GJC1: variants seen among roughly 807,000 people sequenced by gnomAD.
GJC1 encodes gap junction gamma-1 protein.
A neutral mutation model predicts 29.3 loss-of-function variants in GJC1; 5 were observed. That is an observed-to-expected ratio of 0.17 (90% CI 0.09 to 0.36). The LOEUF (loss-of-function observed/expected upper bound fraction) is 0.36. Among genes scored for constraint, GJC1 ranks in the 10% least tolerant of loss-of-function variants. GJC1 has a pLI of 1.00. For missense variants in GJC1, 310 were observed against 496.2 expected (o/e 0.62, Z 3.56); for synonymous variants, 177 against 183.3 (o/e 0.97, Z 0.28).
At chr17:44,807,333 A>G (rs754779009) in intron 2 of GJC1, 61 bp downstream of exon 2, 8 of 152,208 alleles carry the variant, frequency 5.3e-5, no homozygotes, top group Non-Finnish European at 1.2e-4. Context: ...TCCCTCTCCC[A>G]GTTTACTTCT....
At chr17:44,797,637 T>C (rs1481844086), downstream of GJC1, 1 of 152,192 alleles carries the variant, frequency 6.6e-6, no homozygotes, top group Non-Finnish European at 1.5e-5. Context: ...CAATGGGAGA[T>C]ATCTAAAGGA....
At chr17:44,816,607 T>C (rs1031401179) in intron 1 of GJC1, among the ~76,000 whole-genome samples, 1 of 152,110 alleles carries the variant, frequency 6.6e-6, no homozygotes, top group Admixed American at 6.5e-5. Context: ...GTTCAAGCAA[T>C]TCTCCTGCCT....
rs2049854605 is a variant in GJC1 at position 44,802,067 on chromosome 17, G to C, written c.*2560C>G. The C allele has an allele frequency of 6.6e-6, 1 of 152,212 alleles. No homozygotes were observed. The highest frequency in any genetic ancestry group is 2.1e-4 in the South Asian group (1 of 4,830). 9.4% of individuals were successfully genotyped at this position (152,212 alleles called of 1,614,324 possible). ...AAGAGAATAAAAATAGATTTTAAAAGTGTGTGCATGTGGGGAGGTGACAGA... is the reference window on the plus strand; with the variant it reads ...AAGAGAATAAAAATAGATTTTAAAACTGTGTGCATGTGGGGAGGTGACAGA... On this transcript the variant is annotated 3_prime_UTR_variant, in exon 3 of 3. Coordinates refer to ENST00000592524, the MANE Select transcript of GJC1 (RefSeq NM_005497.4).
At position 44,802,342 on chromosome 17, in the gene GJC1, A is replaced by G. The variant is rs146779768; in HGVS notation, c.*2285T>C. On this transcript the variant is annotated 3_prime_UTR_variant, in exon 3 of 3. Transcript: ENST00000592524. ...CTCTTCTCCCTCAGGCTCTGAAGAG[A>G]TAACACAAATGTATGGACACTTTTT... 11 of 152,308 alleles carry G rather than the reference A, an allele frequency of 7.2e-5. No individual in the cohort carries two copies. Among genetic ancestry groups the G allele is most frequent in the Admixed American group, 2.6e-4 (4 of 15,288 alleles). The allele number at this position is 152,308 out of a possible 1,614,324, so 9.4% of individuals were successfully genotyped here. A position where few individuals can be genotyped will look rare whatever the true frequency, so the allele number is the denominator to read the frequency against.
chr17:44,815,699 A>T (rs2050033873), intron 1 of GJC1, among the ~76,000 whole-genome samples: 2 of 152,160 alleles, frequency 1.3e-5, no homozygotes, highest in South Asian at 4.1e-4. Context: ...ATAAAAGGTA[A>T]TCTTGATATA....
At chr17:44,819,704 A>T (rs1426891119) in intron 1 of GJC1, among the ~76,000 whole-genome samples, 1 of 144,958 alleles carries the variant, frequency 6.9e-6, no homozygotes, top group African/African-American at 2.5e-5. Context: ...ATAAATAAAT[A>T]AAAAGAATTT....
At chr17:44,797,861 T>C (rs1229810999), downstream of GJC1, 3 of 152,210 alleles carry the variant, frequency 2.0e-5, no homozygotes, top group African/African-American at 2.4e-5. Flanking sequence ...CCAAATATGG[T>C]TGGCTGACCA....
chr17:44,821,269 A>C (rs2050102709), intron 1 of GJC1, among the ~76,000 whole-genome samples: 1 of 152,246 alleles, frequency 6.6e-6, no homozygotes, highest in Admixed American at 6.5e-5. Flanking sequence ...TGTCCAAAAC[A>C]GCCTAAGATT....
At chr17:44,806,649 A>C (rs573966212) in intron 2 of GJC1, among the ~76,000 whole-genome samples, 41 of 152,220 alleles carry the variant, frequency 2.7e-4, no homozygotes, top group African/African-American at 9.4e-4. Flanking sequence ...TTGGCCTCTC[A>C]AAGTGCTGGG....
rs2049944982 is a variant in GJC1, at chr17:44,809,114, A to T, written c.-96-1645T>A. Reference sequence around the variant, plus strand: ...ACAAAACAAACAAACAAAAGAATCCAGCTGGGCATGGTGGCTCACACCTGT... The same window carrying T: ...ACAAAACAAACAAACAAAAGAATCCTGCTGGGCATGGTGGCTCACACCTGT... On this transcript the variant is annotated intron_variant, in intron 1 of 2. Coordinates refer to ENST00000592524, the MANE Select transcript of GJC1 (RefSeq NM_005497.4). Among the ~76,000 whole-genome samples the T allele has an allele frequency of 2.0e-5, 3 of 152,136 alleles. No homozygotes were observed. The South Asian group carries it at 6.2e-4, about 32-fold the overall frequency.
At chr17:44,808,329 G>A (rs1398606350) in intron 1 of GJC1, among the ~76,000 whole-genome samples, 1 of 151,788 alleles carries the variant, frequency 6.6e-6, no homozygotes, top group Non-Finnish European at 1.5e-5. Flanking sequence ...GCAATATAGT[G>A]AGACCCTATC....
intron 1 of GJC1, among the ~76,000 whole-genome samples, chr17:44,827,775 A>C (rs1374177469): frequency 1.3e-5 from 2 of 152,142 alleles, no homozygotes; most frequent in Non-Finnish European, 2.9e-5. Context: ...TGCTAAAACT[A>C]CAAAAAAAAA....
At chr17:44,825,024 C>A (rs2050157413) in intron 1 of GJC1, among the ~76,000 whole-genome samples, 1 of 149,482 alleles carries the variant, frequency 6.7e-6, no homozygotes, top group Non-Finnish European at 1.5e-5. Flanking sequence ...GCCTGGGCAA[C>A]AAAACAAGAC....
intron 1 of GJC1, among the ~76,000 whole-genome samples, chr17:44,810,240 G>A (rs1169240910): frequency 6.6e-6 from 1 of 151,526 alleles, no homozygotes; most frequent in African/African-American, 2.4e-5. Flanking sequence ...CAGGTAATCC[G>A]CCTGCCTCAG....
At position 44,803,187 on chromosome 17, in the gene GJC1, C is replaced by T. The variant is rs187608446; in HGVS notation, c.*1440G>A. The T allele has an allele frequency of 6.6e-6, 1 of 152,268 alleles. No homozygotes were observed. Among genetic ancestry groups the T allele is most frequent in the Non-Finnish European group, 1.5e-5 (1 of 68,024 alleles). 9.4% of individuals were successfully genotyped at this position (152,268 alleles called of 1,614,324 possible). On this transcript the variant is annotated 3_prime_UTR_variant, in exon 3 of 3. Coordinates refer to ENST00000592524, the MANE Select transcript of GJC1 (RefSeq NM_005497.4). ...TTTCCAAGTCAGAGGTGGCTTACAACAGCTTTCATTAGAAAAGGGTGAGAC... is the reference window on the plus strand; with the variant it reads ...TTTCCAAGTCAGAGGTGGCTTACAATAGCTTTCATTAGAAAAGGGTGAGAC...
At chr17:44,826,847 A>T (rs2050181880) in intron 1 of GJC1, among the ~76,000 whole-genome samples, 2 of 152,180 alleles carry the variant, frequency 1.3e-5, no homozygotes, top group Non-Finnish European at 2.9e-5. Flanking sequence ...CTAGGTTCTT[A>T]TTTCAACACA....
In GJC1 at chr17:44,805,619, C is replaced by T; in HGVS notation, c.199G>A (p.Ala67Thr). ...QPGCENVCYD[A>T]FAPLSHVRFW... ...CGTACATGGGAGAGAGGTGCAAACG[C>T]ATCATAACAGACATTCTCACAGCCC... The change falls in exon 3 of 3, where the codon GCG becomes ACG. Residue 67 changes from alanine (A) to threonine (T), a missense_variant. Around this residue, in one of 4 missense-constraint regions of GJC1, gnomAD observed 37 missense variants for 104.2 expected, o/e 0.35. Coordinates refer to ENST00000592524, the MANE Select transcript of GJC1 (RefSeq NM_005497.4). This position sits in a 1 kb window ranked among gnomAD's most constrained non-coding sequence, Gnocchi z 5.1. 6.2e-7 allele frequency: 1 copy of T among 1,614,168 alleles called. No individual in the cohort carries two copies. Among genetic ancestry groups the T allele is most frequent in the Non-Finnish European group, 8.5e-7 (1 of 1,180,016 alleles).
At chr17:44,830,343 C>T (rs570540683), upstream of GJC1, 277 of 172,974 alleles carry the variant, frequency 1.6e-3, no homozygotes, top group African/African-American at 6.2e-3. This position sits in a 1 kb window ranked among gnomAD's most constrained non-coding sequence, Gnocchi z 4.3. Flanking sequence ...GGCCCGGGAG[C>T]GGGGGGCGCG....
At chr17:44,806,401 G>GTTTTTTTT (rs35152035) in intron 2 of GJC1, among the ~76,000 whole-genome samples, 3 of 122,138 alleles carry the variant, frequency 2.5e-5, no homozygotes, top group African/African-American at 9.1e-5. Context: ...TCTTCTGTTT[G>GTTTTTTTT]TTTTTTTTTT....
Sources: gnomAD v4.1 joint callset for allele counts (sites outside exome capture counted in the v4.1 genomes callset) on GRCh38, gnomAD v4.1.1 for gene constraint, gnomAD v4.1.1 regional missense constraint, Gnocchi (gnomAD v3.1) non-coding constraint, MANE v1.5 for transcripts, NCBI Gene and HGNC (gene_info 2026-07-23, HGNC 2026-07-21) for gene names.